CPS1: variants seen among roughly 807,000 people sequenced by gnomAD.
CPS1 encodes carbamoyl-phosphate synthase 1, also known as carbamoyl-phosphate synthase [ammonia], mitochondrial.
In CPS1, 109 loss-of-function variants were observed where a neutral mutation model predicts 174.6. The observed-to-expected ratio is 0.62, with a 90% confidence interval of 0.53 to 0.73. The LOEUF is 0.73. Ranked by LOEUF, CPS1 falls within the 30% of genes least tolerant of loss-of-function variation. CPS1 has a pLI of 0.00. For missense variants in CPS1, 1,689 were observed against 1,821.9 expected (o/e 0.93, Z 1.33); for synonymous variants, 637 against 632.0 (o/e 1.01, Z -0.12).
At chr2:210,550,900 T>G (rs1017191584) in intron 1 of CPS1, among the ~76,000 whole-genome samples, 8 of 151,920 alleles carry the variant, frequency 5.3e-5, no homozygotes, top group African/African-American at 1.9e-4. Context: ...AATAGTTAGC[T>G]CATGGTCAAA....
intron 37 of CPS1, 94 bp downstream of exon 37, chr2:210,677,230 CCT>C: frequency 7.9e-7 from 1 of 1,258,706 alleles, no homozygotes; most frequent in Non-Finnish European, 1.2e-6. Flanking sequence ...TCTCTTTTCC[CCT>C]CTTTGTAACT....
chr2:210,668,109 TTA>T, intron 33 of CPS1, 75 bp from the exon 34 acceptor site: 1 of 905,692 alleles, frequency 1.1e-6, no homozygotes, highest in Non-Finnish European at 1.8e-6. Flanking sequence ...TGTGTGTATT[TTA>T]ATTTTAATTT....
chr2:210,612,413 T>A lies in CPS1; in HGVS notation c.2568+120T>A. 5.1e-6 allele frequency: 5 copies of A among 977,882 alleles called. No individual in the cohort carries two copies. The South Asian group carries it at 6.7e-5, about 13-fold the overall frequency. The allele number at this position is 977,882 out of a possible 1,614,324, so 60.6% of individuals were successfully genotyped here. A position where few individuals can be genotyped will look rare whatever the true frequency, so the allele number is the denominator to read the frequency against. On this transcript the variant is annotated intron_variant, in intron 20 of 37. Coordinates refer to ENST00000233072, the MANE Select transcript of CPS1 (RefSeq NM_001875.5). ...AAATCAGGGATTTTTGGAAAATTTT[T>A]AATTCTTTTATAGTATTAAACTGGA...
At chr2:210,504,729 A>G (rs147928198) in intron 1 of CPS1, among the ~76,000 whole-genome samples, 116 of 152,316 alleles carry the variant, frequency 7.6e-4, no homozygotes, top group African/African-American at 2.7e-3. Context: ...TTGGTATAAG[A>G]TTCAACAGAT....
At position 210,592,904 on chromosome 2, in the gene CPS1, T is replaced by C. The variant is rs764713843; in HGVS notation, c.1112T>C (p.Phe371Ser). The C allele has an allele frequency of 6.2e-7, 1 of 1,612,518 alleles. No individual in the cohort carries two copies. The highest frequency in any genetic ancestry group is 1.1e-5 in the South Asian group (1 of 91,038). The change falls in exon 11 of 38, where the codon TTC becomes TCC. Residue 371 changes from phenylalanine to serine, a missense_variant. Phe to Ser is a radical substitution (Grantham distance 155). Transcript: ENST00000233072. ...GGGATTATGCATGAGAGCAAACCCT[T>C]CTTCGCTGTGCAGTTCCACCCAGAG... is the stretch of plus-strand genomic sequence containing the variant. ...NEGIMHESKPFFAVQFHPEVT... is the reference protein window; with the variant it reads ...NEGIMHESKPSFAVQFHPEVT...
At chr2:210,590,043 C>A in intron 7 of CPS1, 63 bp from the exon 8 acceptor site, 1 of 1,603,026 alleles carries the variant, frequency 6.2e-7, no homozygotes, top group Non-Finnish European at 8.5e-7. Context: ...GAAAGTCTAG[C>A]AAAATTATAC....
rs571670790 is a variant in CPS1 at position 210,602,197 on chromosome 2, G to A, written c.1708-5G>A. On this transcript the variant is annotated splice_polypyrimidine_tract_variant and splice_region_variant and intron_variant, in intron 15 of 37. Coordinates refer to ENST00000233072, the MANE Select transcript of CPS1 (RefSeq NM_001875.5). Reference sequence around the variant, plus strand: ...AAAATGTTGAGTCCTTGTTCTTGTTGACAGATTGAGGATGCACTGAAGGCA... The same window carrying A: ...AAAATGTTGAGTCCTTGTTCTTGTTAACAGATTGAGGATGCACTGAAGGCA... 280 of 1,612,080 alleles carry A rather than the reference G, an allele frequency of 1.7e-4. 4 individuals carry two copies. The South Asian group carries it at 2.9e-3, about 17-fold the overall frequency.
intron 1 of CPS1, among the ~76,000 whole-genome samples, chr2:210,557,642 A>G (rs1696956691): frequency 6.6e-6 from 1 of 152,096 alleles, no homozygotes; most frequent in African/African-American, 2.4e-5. Context: ...CTCCATAGGA[A>G]CTTTGCCAAT....
rs546143918 is a variant in CPS1, at chr2:210,514,882, G to T, written c.3+37116G>T. Among the ~76,000 whole-genome samples, 7 of 147,386 alleles carry T rather than the reference G, an allele frequency of 4.7e-5. No individual in the cohort carries two copies. The South Asian group carries it at 1.5e-3, about 31-fold the overall frequency. On this transcript the variant is annotated intron_variant, in intron 1 of 38. Transcript: ENST00000430249. The stretch of plus-strand genomic sequence containing the variant: ...GGTACATTGCTTCAGTGCCTAGTTT[G>T]TTGAGTTTTTTTTTTTAATCATTAA...
intron 34 of CPS1, among the ~76,000 whole-genome samples, chr2:210,671,387 A>G (rs891107000): frequency 6.6e-6 from 1 of 152,230 alleles, no homozygotes; most frequent in Non-Finnish European, 1.5e-5. Context: ...ATCCACAGGC[A>G]TCACATAGTA....
At chr2:210,524,558 C>T (rs1397641782) in intron 1 of CPS1, among the ~76,000 whole-genome samples, 1 of 151,914 alleles carries the variant, frequency 6.6e-6, no homozygotes, top group African/African-American at 2.4e-5. Context: ...TTTATGGTTT[C>T]TATACCCCAG....
intron 1 of CPS1, among the ~76,000 whole-genome samples, chr2:210,561,880 T>C (rs1476917480): frequency 1.3e-5 from 2 of 152,222 alleles, no homozygotes; most frequent in Non-Finnish European, 2.9e-5. Context: ...TTAAATTTCA[T>C]AGGGAGGTAA....
At chr2:210,558,019 G>A (rs1022249055) in intron 1 of CPS1, among the ~76,000 whole-genome samples, 1 of 151,742 alleles carries the variant, frequency 6.6e-6, no homozygotes, top group East Asian at 1.9e-4. Context: ...GGAGAAGTGT[G>A]AGGGATGGGA....
chr2:210,630,105 C>A (rs1225560727), intron 21 of CPS1, among the ~76,000 whole-genome samples: 18 of 143,864 alleles, frequency 1.3e-4, no homozygotes, highest in South Asian at 4.5e-4. Flanking sequence ...AAAAAAAAAA[C>A]AAAACCATGA....
chr2:210,671,885 G>T (rs1236792203), intron 34 of CPS1: 1 of 152,072 alleles, frequency 6.6e-6, no homozygotes, highest in Non-Finnish European at 1.5e-5. Flanking sequence ...AAATGGCAAA[G>T]AAAAAAATTA....
chr2:210,512,895 T>TATATATATATGGAG (rs1695549952), intron 1 of CPS1, among the ~76,000 whole-genome samples: 1 of 86,394 alleles, frequency 1.2e-5, no homozygotes, highest in East Asian at 3.2e-4. Context: ...TATATGGAGA[T>TATATATATATGGAG]ATATATATAT....
At chr2:210,579,951 T>C (rs761776979) in intron 5 of CPS1, among the ~76,000 whole-genome samples, 181 bp downstream of exon 5, 3 of 152,096 alleles carry the variant, frequency 2.0e-5, no homozygotes, top group Non-Finnish European at 2.9e-5. Context: ...TTTTCAAGAT[T>C]GAATACTTGA....
At chr2:210,553,458 T>C (rs1232706395), upstream of CPS1, among the ~76,000 whole-genome samples, 1 of 151,932 alleles carries the variant, frequency 6.6e-6, no homozygotes, top group Non-Finnish European at 1.5e-5. Flanking sequence ...TTTTAAAATG[T>C]ATTAATAGAA....
intron 18 of CPS1, 36 bp from the exon 19 acceptor site, chr2:210,608,325 C>G (rs749038496): frequency 1.3e-6 from 2 of 1,597,652 alleles, no homozygotes; most frequent in African/African-American, 1.3e-5. Context: ...AATAATTGCT[C>G]GAAGAAAAAA....
Sources: allele counts gnomAD v4.1 joint callset (sites outside exome capture counted in the v4.1 genomes callset), GRCh38; gene constraint gnomAD v4.1.1; transcripts MANE v1.5; gene names NCBI Gene and HGNC (gene_info 2026-07-23, HGNC 2026-07-21).